The following PHF20 variants were observed in gnomAD, a reference collection of about 807,000 sequenced individuals.
The protein encoded by PHF20 is glioma-expressed antigen 2.
In PHF20, 23 loss-of-function variants were observed where a neutral mutation model predicts 113.5. The observed-to-expected ratio is 0.20, with a 90% CI of 0.15 to 0.29. The LOEUF (loss-of-function observed/expected upper bound fraction) is 0.29, where lower values mean the gene tolerates loss of function less well. PHF20 is among the 10% of genes least tolerant of loss of function. The pLI, the probability that PHF20 is intolerant of heterozygous loss-of-function variation, is 1.00. For synonymous variants in PHF20, 434 were observed against 457.3 expected (o/e 0.95, Z 0.65); for missense variants, 943 against 1,219.6 (o/e 0.77, Z 3.38).
In PHF20 at chr20:35,877,215, G is replaced by A. The variant is rs370841212; in HGVS notation, c.1282+5386G>A. Among the ~76,000 whole-genome samples the A allele has an allele frequency of 2.1e-5, 3 of 146,130 alleles. No homozygotes were observed. The East Asian group carries it at 6.1e-4, about 29-fold the overall frequency. ...TGAGGCAGGAGAATTGCTTGAACCTGGGAGGAAGAGGTTGCAGTTTGCCGA... is the reference window on the plus strand; with the variant it reads ...TGAGGCAGGAGAATTGCTTGAACCTAGGAGGAAGAGGTTGCAGTTTGCCGA... On this transcript the variant is annotated intron_variant, in intron 9 of 17. Transcript: ENST00000374012.
At chr20:35,875,931 T>C (rs942652962) in intron 9 of PHF20, among the ~76,000 whole-genome samples, 1 of 152,220 alleles carries the variant, frequency 6.6e-6, no homozygotes, top group Admixed American at 6.5e-5. Context: ...ACATACATAA[T>C]TTCTGTCTTG....
intron 7 of PHF20, among the ~76,000 whole-genome samples, chr20:35,870,677 G>A (rs6060649): frequency 3.4e-5 from 5 of 148,372 alleles, no homozygotes; most frequent in Non-Finnish European, 4.5e-5. Context: ...CATTTGGGAA[G>A]CCCCAAAATA....
At position 35,850,648 on chromosome 20, in the gene PHF20, A is replaced by G. The variant is rs554883658; in HGVS notation, c.340+3214A>G. 1.9e-4 allele frequency: 26 copies of G among 134,192 alleles called. 1 individual carries two copies. Among genetic ancestry groups the G allele is most frequent in the African/African-American group, 1.4e-3 (26 of 19,074 alleles). The allele number at this position is 134,192 out of a possible 1,614,324, so 8.3% of individuals were successfully genotyped here. A position where few individuals can be genotyped will look rare whatever the true frequency, so the allele number is the denominator to read the frequency against. On this transcript the variant is annotated intron_variant, in intron 4 of 17. Transcript: ENST00000374012. ...GTCTCTATGAGCTGTTTTTTAAACA[A>G]TTCATTATTACATCAGCTGGTATGA...
intron 3 of PHF20, among the ~76,000 whole-genome samples, chr20:35,846,555 T>C (rs1314558604): frequency 6.6e-6 from 1 of 152,202 alleles, no homozygotes. Context: ...CAAAAGACCC[T>C]TTAGAAGTGT....
chr20:35,800,497 G>A (rs2041759189), intron 1 of PHF20, among the ~76,000 whole-genome samples: 1 of 152,194 alleles, frequency 6.6e-6, no homozygotes, highest in African/African-American at 2.4e-5. Context: ...AATTCTGGGC[G>A]CAGTGGTTCA....
At chr20:35,829,392 T>G (rs1384977001) in intron 2 of PHF20, among the ~76,000 whole-genome samples, 1 of 152,138 alleles carries the variant, frequency 6.6e-6, no homozygotes, top group Non-Finnish European at 1.5e-5. Context: ...CTCACTCTGT[T>G]GCCAGGCTGG....
At chr20:35,892,224 ATTTTTTTTTTT>A (rs780490898) in intron 9 of PHF20, among the ~76,000 whole-genome samples, 2 of 102,528 alleles carry the variant, frequency 2.0e-5, no homozygotes, top group South Asian at 3.5e-4. Flanking sequence ...CGCCTGGCTG[ATTTTTTTTTTT>A]TTTTTTTTTT....
chr20:35,861,920 G>A (rs142787146), intron 5 of PHF20, among the ~76,000 whole-genome samples: 2 of 152,242 alleles, frequency 1.3e-5, no homozygotes, highest in South Asian at 2.1e-4. Context: ...TGTGCTAGGT[G>A]CTGGGCATCC....
intron 15 of PHF20, among the ~76,000 whole-genome samples, chr20:35,932,428 A>G (rs1453284322): frequency 9.6e-6 from 1 of 104,692 alleles, no homozygotes. Flanking sequence ...CATCTTAACC[A>G]TTTTTTTTTT....
chr20:35,772,530 G>T (rs1364003729), intron 1 of PHF20, among the ~76,000 whole-genome samples: 1 of 152,192 alleles, frequency 6.6e-6, no homozygotes, highest in Admixed American at 6.5e-5. Flanking sequence ...ATTCTGGGGA[G>T]CACATTCCTT....
intron 2 of PHF20, among the ~76,000 whole-genome samples, chr20:35,832,580 C>A (rs1234855811): frequency 6.6e-6 from 1 of 152,076 alleles, no homozygotes; most frequent in Non-Finnish European, 1.5e-5. Context: ...GATTCTGAGG[C>A]TATGGGAGGA....
chr20:35,912,492 T>A (rs2055325265), intron 10 of PHF20, among the ~76,000 whole-genome samples: 2 of 152,036 alleles, frequency 1.3e-5, no homozygotes, highest in Admixed American at 1.3e-4. Flanking sequence ...AATAATTTTA[T>A]GTTATATGAA....
At chr20:35,779,951 C>T (rs1004275619) in intron 1 of PHF20, among the ~76,000 whole-genome samples, 8 of 152,186 alleles carry the variant, frequency 5.3e-5, no homozygotes, top group Non-Finnish European at 1.2e-4. Flanking sequence ...TCTTAAATGT[C>T]ATTGAATCCT....
intron 17 of PHF20, among the ~76,000 whole-genome samples, chr20:35,944,177 T>G (rs2056043428): frequency 6.6e-6 from 1 of 152,176 alleles, no homozygotes; most frequent in South Asian, 2.1e-4. Flanking sequence ...GCACATGGTA[T>G]GGAGAGGGTG....
At chr20:35,863,498 T>A in intron 6 of PHF20, 98 bp downstream of exon 6, 1 of 1,238,688 alleles carries the variant, frequency 8.1e-7, no homozygotes. Flanking sequence ...ATCGTTTATT[T>A]TTGTGACTGA....
chr20:35,781,514 TTTG>T (rs1013019249), intron 1 of PHF20, among the ~76,000 whole-genome samples: 6 of 152,192 alleles, frequency 3.9e-5, no homozygotes, highest in Non-Finnish European at 7.3e-5. Context: ...TTCTTCAATT[TTTG>T]TTGTTGTTGT....
chr20:35,851,601 T>A (rs545783604), intron 4 of PHF20, among the ~76,000 whole-genome samples: 2 of 151,920 alleles, frequency 1.3e-5, no homozygotes, highest in Non-Finnish European at 2.9e-5. Flanking sequence ...CCCTTTTTTT[T>A]TGCCTAGATA....
chr20:35,817,317 G>T (rs2042093555), intron 2 of PHF20, among the ~76,000 whole-genome samples: 1 of 152,026 alleles, frequency 6.6e-6, no homozygotes, highest in African/African-American at 2.4e-5. Flanking sequence ...CTCCCAAATA[G>T]GAGGGATTAC....
intron 4 of PHF20, among the ~76,000 whole-genome samples, chr20:35,850,419 C>T (rs2042704296): frequency 1.3e-5 from 2 of 148,402 alleles, no homozygotes; most frequent in African/African-American, 2.5e-5. Flanking sequence ...AGCAATTCTC[C>T]TGCCTCAGCC....
Sources: allele counts gnomAD v4.1 joint callset (sites outside exome capture counted in the v4.1 genomes callset), GRCh38; gene constraint gnomAD v4.1.1; transcripts MANE v1.5; gene names NCBI Gene and HGNC (gene_info 2026-07-23, HGNC 2026-07-21).